The following HORMAD2 variants were observed in gnomAD, a reference collection of about 807,000 sequenced individuals.
HORMAD2 encodes HORMA domain containing 2, also known as HORMA domain-containing protein 2.
Under a neutral mutation model 38.8 loss-of-function variants are expected in HORMAD2, and 45 were observed. The ratio of observed to expected loss-of-function variants is 1.16; its 90% CI spans 0.91 to 1.49. The LOEUF (loss-of-function observed/expected upper bound fraction) is 1.49. Ranked by LOEUF, HORMAD2 falls within the 40% of genes most tolerant of loss-of-function variation. HORMAD2 has a pLI of 0.00. For missense variants in HORMAD2, 338 were observed against 367.0 expected, an observed-to-expected ratio of 0.92 and a Z score of 0.65; for synonymous variants, 126 against 122.8, an observed-to-expected ratio of 1.03 and a Z score of -0.17.
intron 7 of HORMAD2, among the ~76,000 whole-genome samples, chr22:30,114,133 G>C (rs1176678723): frequency 6.6e-6 from 1 of 152,186 alleles, no homozygotes; most frequent in Non-Finnish European, 1.5e-5. Flanking sequence ...AGAGTGGGAA[G>C]AAATGCAGGC....
At chr22:30,174,579 T>G (rs1926316832) in intron 10 of HORMAD2, among the ~76,000 whole-genome samples, 1 of 152,144 alleles carries the variant, frequency 6.6e-6, no homozygotes, top group Non-Finnish European at 1.5e-5. Context: ...AACTTTGGAT[T>G]TATTTGAACA....
At chr22:30,189,402 A>G in the HORMAD2 span, among the ~76,000 whole-genome samples, 1 of 152,142 alleles carries the variant, frequency 6.6e-6, no homozygotes, top group African/African-American at 2.4e-5. Context: ...TTTAGTAGGT[A>G]GTAACTACAA....
At chr22:30,190,377 G>T in the HORMAD2 span, among the ~76,000 whole-genome samples, 7 of 152,204 alleles carry the variant, frequency 4.6e-5, no homozygotes, top group African/African-American at 1.7e-4. Flanking sequence ...GCTGGCTTCT[G>T]AATGTGTCTT....
chr22:30,151,113 G>A (rs888181158), intron 10 of HORMAD2, among the ~76,000 whole-genome samples: 1 of 152,114 alleles, frequency 6.6e-6, no homozygotes, highest in Admixed American at 6.5e-5. Context: ...CCTCGGTTTG[G>A]TCCACTGCTG....
At position 30,098,884 on chromosome 22, in the gene HORMAD2, G is replaced by A; in HGVS notation, c.84G>A (p.Glu28=). The change falls in exon 3 of 11, where the codon GAG becomes GAA. Residue 28 remains glutamate (E), a synonymous_variant. Coordinates refer to ENST00000336726, the MANE Select transcript of HORMAD2 (RefSeq NM_152510.4). The part of the protein sequence containing the change: ...ETVFPSQITN[E]HESLKMVKKL... ...TTTTCCCATCCCAAATCACTAATGA[G>A]CATGAGTCATTGAAAATGGTGAAGA... 3 of 1,613,398 alleles carry A rather than the reference G, an allele frequency of 1.9e-6. No homozygotes were observed. Among genetic ancestry groups the A allele is most frequent in the Non-Finnish European group, 2.5e-6 (3 of 1,179,558 alleles).
rs182953368 is a variant in HORMAD2, at chr22:30,085,442, C to T, written c.-38+4951C>T. Among the ~76,000 whole-genome samples, 758 of 152,184 alleles carry T rather than the reference C, an allele frequency of 5.0e-3. 25 individuals are homozygous for T. The highest frequency in any genetic ancestry group is 0.045 in the Admixed American group (685 of 15,276). Reference sequence around the variant, plus strand: ...AATTTTGTGAATATACTAAAACCCACTGAATTATACCTATTAAAAAAACTT... The same window carrying T: ...AATTTTGTGAATATACTAAAACCCATTGAATTATACCTATTAAAAAAACTT... On this transcript the variant is annotated intron_variant, in intron 1 of 10. Transcript: ENST00000336726.
chr22:30,111,744 A>G, intron 5 of HORMAD2, 52 bp from the exon 6 acceptor site: 4 of 1,362,700 alleles, frequency 2.9e-6, no homozygotes, highest in Non-Finnish European at 4.0e-6. Context: ...AAAGAATGAT[A>G]ATATAGGTGC....
At chr22:30,080,271 G>A (rs2146042732), upstream of HORMAD2, 1 of 152,542 alleles carries the variant, frequency 6.6e-6, no homozygotes, top group Non-Finnish European at 1.5e-5. Flanking sequence ...GGGCCGGGCG[G>A]GCTAGGGGCC....
At chr22:30,127,588 T>G (rs1922975104) in intron 10 of HORMAD2, among the ~76,000 whole-genome samples, 1 of 152,202 alleles carries the variant, frequency 6.6e-6, no homozygotes, top group Non-Finnish European at 1.5e-5. Context: ...AGCCATCTGC[T>G]GGCCTTGGCC....
At chr22:30,180,960 TC>T, downstream of HORMAD2, among the ~76,000 whole-genome samples, 1 of 94,372 alleles carries the variant, frequency 1.1e-5, no homozygotes, top group Non-Finnish European at 2.0e-5. Context: ...TCCTCTCCTC[TC>T]CTCTCCTCTC....
chr22:30,095,006 GTT>G (rs1292047700), intron 2 of HORMAD2, among the ~76,000 whole-genome samples: 1 of 152,070 alleles, frequency 6.6e-6, no homozygotes, highest in African/African-American at 2.4e-5. Flanking sequence ...ATCTGTGCCT[GTT>G]TATTAGGCCC....
At chr22:30,115,479 T>C (rs1252519554) in intron 7 of HORMAD2, among the ~76,000 whole-genome samples, 3 of 152,102 alleles carry the variant, frequency 2.0e-5, no homozygotes, top group African/African-American at 7.2e-5. Flanking sequence ...ACAATATACT[T>C]TTAGATACTT....
chr22:30,120,636 T>TC (rs1569096801), intron 8 of HORMAD2, among the ~76,000 whole-genome samples: 4 of 152,152 alleles, frequency 2.6e-5, no homozygotes, highest in Non-Finnish European at 5.9e-5. Flanking sequence ...ATTCATTCAT[T>TC]AATTCAACAA....
At chr22:30,091,972 G>A (rs926939851) in intron 1 of HORMAD2, among the ~76,000 whole-genome samples, 1 of 151,836 alleles carries the variant, frequency 6.6e-6, no homozygotes, top group Non-Finnish European at 1.5e-5. Context: ...CACCTCCCCG[G>A]TTCAAGTGAT....
intron 10 of HORMAD2, among the ~76,000 whole-genome samples, chr22:30,133,878 A>G (rs908298912): frequency 3.3e-5 from 5 of 152,082 alleles, no homozygotes; most frequent in East Asian, 3.8e-4. Flanking sequence ...TAGATTTCCT[A>G]TCTGTAGGTG....
intron 1 of HORMAD2, among the ~76,000 whole-genome samples, chr22:30,088,404 G>A (rs1262999348): frequency 6.6e-6 from 1 of 151,366 alleles, no homozygotes. Flanking sequence ...TTTCTCAATA[G>A]CAAGTGTCCT....
At chr22:30,097,291 C>T (rs918049517) in intron 2 of HORMAD2, among the ~76,000 whole-genome samples, 2 of 152,178 alleles carry the variant, frequency 1.3e-5, no homozygotes, top group Admixed American at 1.3e-4. Flanking sequence ...GGTAGACACC[C>T]CTTACATACT....
At chr22:30,112,362 C>A in intron 6 of HORMAD2, 134 bp from the exon 7 acceptor site, 2 of 589,086 alleles carry the variant, frequency 3.4e-6, no homozygotes, top group Non-Finnish European at 6.0e-6. Flanking sequence ...TAAGCATATC[C>A]TATCTCTAGC....
At chr22:30,184,343 A>T in the HORMAD2 span, among the ~76,000 whole-genome samples, 1 of 152,258 alleles carries the variant, frequency 6.6e-6, no homozygotes, top group Non-Finnish European at 1.5e-5. Context: ...GTTTCCATAA[A>T]GTGAAATGCA....
Sources: allele counts gnomAD v4.1 joint callset (sites outside exome capture counted in the v4.1 genomes callset), GRCh38; gene constraint gnomAD v4.1.1; transcripts MANE v1.5; gene names NCBI Gene and HGNC (gene_info 2026-07-23, HGNC 2026-07-21).